Variants in KCNQ3 observed in about 807,000 individuals in gnomAD.
KCNQ3 encodes the protein potassium voltage-gated channel subfamily Q member 3.
A neutral mutation model predicts 92.5 loss-of-function variants in KCNQ3; 30 were observed. The ratio of observed to expected loss-of-function variants is 0.32; its 90% CI spans 0.24 to 0.44. The LOEUF is 0.44. Ranked by LOEUF, KCNQ3 falls within the 20% of genes least tolerant of loss-of-function variation. The pLI is 1.00. For missense variants in KCNQ3, 913 were observed against 1,140.3 expected (o/e 0.80, Z 2.87); for synonymous variants, 450 against 468.8 (o/e 0.96, Z 0.52).
intron 1 of KCNQ3, among the ~76,000 whole-genome samples, chr8:132,260,340 A>G (rs1167487208): frequency 1.3e-5 from 2 of 152,312 alleles, no homozygotes; most frequent in East Asian, 3.9e-4. Flanking sequence ...TCACCTAACA[A>G]TTATTTACTA....
intron 6 of KCNQ3, 119 bp downstream of exon 6, chr8:132,174,119 TG>T: frequency 2.6e-6 from 2 of 763,228 alleles, no homozygotes; most frequent in Non-Finnish European, 2.3e-6. Context: ...CTTAAGGGAA[TG>T]GCTAGGGAGT....
At position 132,380,928 on chromosome 8, in the gene KCNQ3, G is replaced by A. The variant is rs1819731510; in HGVS notation, c.386+99219C>T. On this transcript the variant is annotated intron_variant, in intron 1 of 14. Transcript: ENST00000388996. ...TCTTTCTACAGAAAAAGAAATGAAA[G>A]CAGAAAAAAAAAAAAAAAAAAAACA... Among the ~76,000 whole-genome samples, 8 of 53,138 alleles carry A rather than the reference G, an allele frequency of 1.5e-4. No homozygotes were observed. In the South Asian group the frequency reaches 1.9e-3, roughly 13 times the overall value. The allele number at this position is 53,138 out of a possible 152,430, so 34.9% of individuals were successfully genotyped here.
At chr8:132,401,309 C>A (rs1181505185) in intron 1 of KCNQ3, among the ~76,000 whole-genome samples, 1 of 152,176 alleles carries the variant, frequency 6.6e-6, no homozygotes, top group Non-Finnish European at 1.5e-5. Flanking sequence ...CACTTCCACT[C>A]CACTGTCCCA....
chr8:132,250,352 G>A (rs1815364236), intron 1 of KCNQ3, among the ~76,000 whole-genome samples: 1 of 152,132 alleles, frequency 6.6e-6, no homozygotes, highest in African/African-American at 2.4e-5. Context: ...TGGCTGGAAG[G>A]GTCTTCAGCA....
chr8:132,440,215 T>C (rs1434103377), intron 1 of KCNQ3, among the ~76,000 whole-genome samples: 1 of 152,238 alleles, frequency 6.6e-6, no homozygotes, highest in Non-Finnish European at 1.5e-5. Flanking sequence ...ATGCCAACAG[T>C]CATCTCTGTG....
intron 1 of KCNQ3, among the ~76,000 whole-genome samples, chr8:132,458,548 G>A (rs945990078): frequency 7.9e-5 from 12 of 152,146 alleles, no homozygotes; most frequent in South Asian, 2.1e-4. Context: ...TCCGCCTCCC[G>A]GGTTCAAGTG....
Position 132,247,838 on chromosome 8 carries a change from C to T in KCNQ3, c.387-61657G>A, listed in dbSNP as rs78882888. On this transcript the variant is annotated intron_variant, in intron 1 of 14. Coordinates refer to ENST00000388996, the MANE Select transcript of KCNQ3 (RefSeq NM_004519.4). ...GACAGAATATTTCATTCAGCCTGATCGGAACAAAAAGGGAGAAATGAAGTT... is the reference window on the plus strand; with the variant it reads ...GACAGAATATTTCATTCAGCCTGATTGGAACAAAAAGGGAGAAATGAAGTT... Among the ~76,000 whole-genome samples, 747 of 151,844 alleles carry T rather than the reference C, an allele frequency of 4.9e-3. 7 individuals carry two copies. Among genetic ancestry groups the T allele is most frequent in the African/African-American group, 0.017 (722 of 41,428 alleles).
At chr8:132,214,160 A>G (rs1044217873) in intron 1 of KCNQ3, among the ~76,000 whole-genome samples, 2 of 152,196 alleles carry the variant, frequency 1.3e-5, no homozygotes, top group African/African-American at 4.8e-5. Flanking sequence ...TAGGACAAGA[A>G]ACTTTACCTC....
intron 1 of KCNQ3, among the ~76,000 whole-genome samples, chr8:132,324,974 T>C (rs141008572): frequency 2.5e-3 from 377 of 151,858 alleles, no homozygotes; most frequent in African/African-American, 8.8e-3. Flanking sequence ...TTGTATTCGC[T>C]GTCCTAGTTA....
rs548313610 is a variant in KCNQ3, at chr8:132,305,306, T to C, written c.387-119125A>G. 3.9e-5 allele frequency among the ~76,000 whole-genome samples: 6 copies of C among 152,324 alleles called. No homozygotes were observed. In the South Asian group the frequency reaches 1.0e-3, roughly 26 times the overall value. On this transcript the variant is annotated intron_variant, in intron 1 of 14. Transcript: ENST00000388996. ...AAATTGATGTAACCATAACTCTGTA[T>C]GAACTTTTATGCTCCACAGATAAGA...
chr8:132,388,641 C>A (rs148769178), intron 1 of KCNQ3, among the ~76,000 whole-genome samples: 1 of 152,226 alleles, frequency 6.6e-6, no homozygotes, highest in Admixed American at 6.5e-5. Context: ...GTTAAAGTTT[C>A]ATTCATTTAT....
chr8:132,423,874 G>A (rs1001801679), intron 1 of KCNQ3, among the ~76,000 whole-genome samples: 1 of 152,066 alleles, frequency 6.6e-6, no homozygotes, highest in African/African-American at 2.4e-5. Context: ...GTGGTTCCAG[G>A]ACACTGAGTA....
chr8:132,278,953 C>T (rs73358962), intron 1 of KCNQ3, among the ~76,000 whole-genome samples: 4,721 of 152,126 alleles, frequency 0.031, 275 homozygotes, highest in African/African-American at 0.11. Flanking sequence ...CGGTGACTCA[C>T]GTCTGTAATC....
chr8:132,231,359 T>C (rs1469168410), intron 1 of KCNQ3, among the ~76,000 whole-genome samples: 1 of 152,232 alleles, frequency 6.6e-6, no homozygotes, highest in African/African-American at 2.4e-5. Flanking sequence ...AGCTTTTCCT[T>C]TGATTTGTGA....
At chr8:132,154,240 TG>T in intron 9 of KCNQ3, among the ~76,000 whole-genome samples, 1 of 139,494 alleles carries the variant, frequency 7.2e-6, no homozygotes, top group South Asian at 2.4e-4. Flanking sequence ...TCAGGCTTTT[TG>T]CCCCCTTCTC....
At chr8:132,303,880 A>G (rs975952625) in intron 1 of KCNQ3, among the ~76,000 whole-genome samples, 4 of 151,328 alleles carry the variant, frequency 2.6e-5, no homozygotes, top group African/African-American at 9.7e-5. Context: ...ATATATACAC[A>G]TATAATATTT....
At chr8:132,418,024 C>A (rs1034670355) in intron 1 of KCNQ3, among the ~76,000 whole-genome samples, 3 of 152,120 alleles carry the variant, frequency 2.0e-5, no homozygotes, top group South Asian at 2.1e-4. Flanking sequence ...CCGAGCCACA[C>A]CCCCCTCATC....
chr8:132,196,392 C>T (rs1043428549), intron 1 of KCNQ3, among the ~76,000 whole-genome samples: 1 of 152,198 alleles, frequency 6.6e-6, no homozygotes, highest in Non-Finnish European at 1.5e-5. Flanking sequence ...TTCTTCTTAT[C>T]TCCTCATAGA....
intron 8 of KCNQ3, among the ~76,000 whole-genome samples, chr8:132,165,148 T>C (rs1826106576): frequency 6.6e-6 from 1 of 152,180 alleles, no homozygotes; most frequent in Admixed American, 6.5e-5. Context: ...ACCCACTTGC[T>C]CATTTCCTCA....
Sources: gnomAD v4.1 joint callset for allele counts (sites outside exome capture counted in the v4.1 genomes callset) on GRCh38, gnomAD v4.1.1 for gene constraint, MANE v1.5 for transcripts, NCBI Gene and HGNC (gene_info 2026-07-23, HGNC 2026-07-21) for gene names.